Variants in COX10 observed in about 807,000 individuals in gnomAD.
COX10 encodes protoheme IX farnesyltransferase, mitochondrial.
Under a neutral mutation model 37.3 loss-of-function variants are expected in COX10, and 27 were observed. The ratio of observed to expected loss-of-function variants is 0.72; its 90% confidence interval spans 0.53 to 1.00. COX10 has a LOEUF of 1.00. COX10 is among the 50% of genes least tolerant of loss of function. The pLI is 0.00. For synonymous variants in COX10, 222 were observed against 229.1 expected (o/e 0.97, Z 0.28); for missense variants, 475 against 563.2 (o/e 0.84, Z 1.59).
At chr17:14,197,775 G>C (rs1199794545) in intron 6 of COX10, among the ~76,000 whole-genome samples, 1 of 152,232 alleles carries the variant, frequency 6.6e-6, no homozygotes, top group African/African-American at 2.4e-5. Context: ...GCAAAGCATG[G>C]GCCCAGCCCA....
chr17:14,157,294 A>G (rs958775063), intron 4 of COX10, among the ~76,000 whole-genome samples: 9 of 152,168 alleles, frequency 5.9e-5, no homozygotes, highest in African/African-American at 1.4e-4. Context: ...TCCCCATTGT[A>G]TGGTGTGTAG....
At position 14,074,235 on chromosome 17, in the gene COX10, G is replaced by T. The variant is rs866797390; in HGVS notation, c.44-88G>T. 29 of 1,451,132 alleles carry T rather than the reference G, an allele frequency of 2.0e-5. 1 individual carries two copies. In the Middle Eastern group the frequency reaches 6.9e-4, roughly 35 times the overall value. The allele number at this position is 1,451,132 out of a possible 1,614,324, so 89.9% of individuals were successfully genotyped here. A position where few individuals can be genotyped will look rare whatever the true frequency, so the allele number is the denominator to read the frequency against. ...ACACAGTGTAGCGCTTACCTTAGTG[G>T]CTGGCTTTGCTTCTGGGGAGGTGTA... On this transcript the variant is annotated intron_variant, in intron 1 of 6. Coordinates refer to ENST00000261643, the MANE Select transcript of COX10 (RefSeq NM_001303.4).
At chr17:14,070,061 A>G (rs1773392746) in intron 1 of COX10, among the ~76,000 whole-genome samples, 1 of 152,198 alleles carries the variant, frequency 6.6e-6, no homozygotes, top group Non-Finnish European at 1.5e-5. Context: ...TTCCAATATA[A>G]AGGGTCATGA....
intron 4 of COX10, among the ~76,000 whole-genome samples, chr17:14,154,261 A>G (rs1904984312): frequency 1.3e-5 from 2 of 152,212 alleles, no homozygotes; most frequent in African/African-American, 2.4e-5. Flanking sequence ...TAGTTTAACT[A>G]TGTGTAGGTT....
intron 4 of COX10, among the ~76,000 whole-genome samples, chr17:14,142,870 TTTG>T (rs1442048190): frequency 2.6e-5 from 4 of 152,182 alleles, no homozygotes; most frequent in African/African-American, 9.7e-5. Flanking sequence ...ATTACAGGTT[TTTG>T]TTTGGCCTCT....
chr17:14,102,416 T>G (rs1395639660), intron 4 of COX10, among the ~76,000 whole-genome samples, 174 bp downstream of exon 4: 1 of 152,148 alleles, frequency 6.6e-6, no homozygotes, highest in African/African-American at 2.4e-5. Context: ...TCTTTTGAGG[T>G]GAATGGTTTT....
At chr17:14,190,784 T>G (rs534040946) in intron 5 of COX10, among the ~76,000 whole-genome samples, 1 of 152,210 alleles carries the variant, frequency 6.6e-6, no homozygotes, top group Non-Finnish European at 1.5e-5. Context: ...TACAAGTTAG[T>G]CTTTTTCCTA....
chr17:14,077,527 A>G (rs922440366), intron 3 of COX10, among the ~76,000 whole-genome samples: 2 of 152,110 alleles, frequency 1.3e-5, no homozygotes, highest in Admixed American at 6.6e-5. Context: ...TGTAGGGTGC[A>G]TTTTTCCTGA....
chr17:14,136,796 T>G (rs1904385959), intron 4 of COX10, among the ~76,000 whole-genome samples: 1 of 152,084 alleles, frequency 6.6e-6, no homozygotes, highest in Non-Finnish European at 1.5e-5. Flanking sequence ...CATGTGATAA[T>G]TGCCTCCTCT....
intron 2 of COX10, 57 bp downstream of exon 2, chr17:14,074,513 G>A (rs1330399943): frequency 2.0e-6 from 3 of 1,475,214 alleles, no homozygotes; most frequent in Non-Finnish European, 1.9e-6. Context: ...TCTGTTGAGA[G>A]AATTTCAGAA....
intron 3 of COX10, among the ~76,000 whole-genome samples, chr17:14,086,373 A>G (rs1915409940): frequency 6.6e-6 from 1 of 152,106 alleles, no homozygotes; most frequent in Non-Finnish European, 1.5e-5. Context: ...CCAGTTTTTA[A>G]TAAATCATTA....
chr17:14,116,522 C>T (rs1052827523), intron 4 of COX10, among the ~76,000 whole-genome samples: 1 of 152,176 alleles, frequency 6.6e-6, no homozygotes, highest in Non-Finnish European at 1.5e-5. Context: ...GCTCTGACTT[C>T]CATCTCAGCT....
At chr17:14,198,443 A>G (rs1906434472) in intron 6 of COX10, among the ~76,000 whole-genome samples, 1 of 152,200 alleles carries the variant, frequency 6.6e-6, no homozygotes, top group Admixed American at 6.5e-5. Flanking sequence ...AATTTGAATA[A>G]GTCCCATGTT....
intron 5 of COX10, among the ~76,000 whole-genome samples, chr17:14,190,879 T>G (rs553830887): frequency 6.6e-6 from 1 of 152,120 alleles, no homozygotes; most frequent in African/African-American, 2.4e-5. Context: ...ATCTCACATG[T>G]GTGCACATAG....
intron 4 of COX10, among the ~76,000 whole-genome samples, chr17:14,156,831 C>G (rs547011970): frequency 2.0e-5 from 3 of 152,218 alleles, no homozygotes; most frequent in African/African-American, 7.2e-5. Flanking sequence ...TTGCACAACT[C>G]TGTCCTTCTA....
At chr17:14,079,794 C>G (rs957707586) in intron 3 of COX10, among the ~76,000 whole-genome samples, 3 of 151,484 alleles carry the variant, frequency 2.0e-5, no homozygotes, top group African/African-American at 7.3e-5. Flanking sequence ...GACACATATG[C>G]AGATAGAGCT....
Position 14,190,914 on chromosome 17 carries a change from T to G in COX10, c.696-1075T>G, listed in dbSNP as rs1341199965. On this transcript the variant is annotated intron_variant, in intron 5 of 6. Coordinates refer to ENST00000261643, the MANE Select transcript of COX10 (RefSeq NM_001303.4). ...GGGTAAAGTCTGCCTCTCTAGGGAG[T>G]TGGCTGTTTTTAAAACCAGAGCACT... is the stretch of plus-strand genomic sequence containing the variant. Among the ~76,000 whole-genome samples the G allele has an allele frequency of 2.0e-5, 3 of 151,910 alleles. No individual in the cohort carries two copies. The East Asian group carries it at 5.8e-4, about 29-fold the overall frequency.
chr17:14,072,777 C>T (rs1915054979), intron 1 of COX10, among the ~76,000 whole-genome samples: 1 of 152,160 alleles, frequency 6.6e-6, no homozygotes. Context: ...GATAGTTCTC[C>T]TTCCCATAGT....
chr17:14,165,304 C>G (rs924642607), intron 5 of COX10, among the ~76,000 whole-genome samples: 1 of 152,160 alleles, frequency 6.6e-6, no homozygotes, highest in Non-Finnish European at 1.5e-5. Flanking sequence ...TCTGTTGGTG[C>G]AGATTTTTGC....
Sources: allele counts gnomAD v4.1 joint callset (sites outside exome capture counted in the v4.1 genomes callset), GRCh38; gene constraint gnomAD v4.1.1; transcripts MANE v1.5; gene names NCBI Gene and HGNC (gene_info 2026-07-23, HGNC 2026-07-21).